The following CIC variants were observed in gnomAD, a reference collection of about 807,000 sequenced individuals.
CIC encodes the protein protein capicua homolog.
In CIC, 18 loss-of-function variants were observed where a neutral mutation model predicts 115.7. That is an observed-to-expected ratio of 0.16 (90% confidence interval 0.11 to 0.23). The LOEUF is 0.23. Ranked by LOEUF, CIC falls within the 10% of genes least tolerant of loss-of-function variation. The probability of loss-of-function intolerance (pLI) is 1.00; values close to 1 mark genes in which losing one functional copy is unlikely to be tolerated. For missense variants in CIC, 2,000 were observed against 2,159.3 expected, an observed-to-expected ratio of 0.93 and a Z score of 1.46; for synonymous variants, 1,076 against 923.0, an observed-to-expected ratio of 1.17 and a Z score of -3.01.
intron 2 of CIC, among the ~76,000 whole-genome samples, chr19:42,279,745 T>G (rs969918912): frequency 2.0e-5 from 3 of 152,204 alleles, no homozygotes; most frequent in African/African-American, 4.8e-5. Context: ...GGGAAAATGT[T>G]GGATCTAGGT....
chr19:42,276,077 G>T (rs28699037), intron 2 of CIC, among the ~76,000 whole-genome samples: 2,328 of 152,360 alleles, frequency 0.015, 60 homozygotes, highest in African/African-American at 0.052. Context: ...AGAAGGGCCA[G>T]ATGCCTATGA....
chr19:42,289,553 G>A (rs2037919576), intron 9 of CIC, 147 bp downstream of exon 9: 10 of 973,144 alleles, frequency 1.0e-5, no homozygotes, highest in Admixed American at 4.1e-5. Context: ...AGGCCCTGCC[G>A]AGTAAATCCA....
At position 42,290,318 on chromosome 19, in the gene CIC, C is replaced by T. The variant is rs1227518171; in HGVS notation, c.4277C>T (p.Pro1426Leu). ...CCACTGGACCCTGAGCCCCCAGGGC[C>T]CCCGGATCCTCCTGTAGCCTTTGGC... ...RPPLDPEPPGPPDPPVAFGKG... is the reference protein window; with the variant it reads ...RPPLDPEPPGLPDPPVAFGKG... The change falls in exon 11 of 21, where the codon CCC (proline) becomes CTC (leucine). Residue 1426 changes from proline to leucine, a missense_variant. Pro to Leu is a moderately conservative substitution (Grantham distance 98, BLOSUM62 -3). Around this residue, in one of 8 missense-constraint regions of CIC, gnomAD observed 1,466 missense variants for 1,390.4 expected, o/e 1.05. Coordinates refer to ENST00000681038, the MANE Select transcript of CIC (RefSeq NM_001386298.1). The T allele has an allele frequency of 3.1e-6, 5 of 1,614,092 alleles. No individual in the cohort carries two copies. Among genetic ancestry groups the T allele is most frequent in the African/African-American group, 1.3e-5 (1 of 75,010 alleles).
chr19:42,294,022 G>T lies in CIC; in HGVS notation c.6855G>T (p.Leu2285=). The T allele has an allele frequency of 6.2e-7, 1 of 1,613,554 alleles. No homozygotes were observed. The highest frequency in any genetic ancestry group is 1.7e-5 in the Admixed American group (1 of 60,018). ...AGGAGGTGCTGCCCTCCCCCACCCT[G>T]CAGTCTCTGGCCACCTCACCCCGGG... ...RPEEVLPSPT[L]QSLATSPRAI... is the part of the protein sequence containing the mutation. The change falls in exon 18 of 21, where the codon CTG becomes CTT. Residue 2285 remains leucine (L), a synonymous_variant. Transcript: ENST00000681038.
rs1180960611 is a variant in CIC, at chr19:42,280,975, C to A, written c.2795-5796C>A. On this transcript the variant is annotated intron_variant, in intron 2 of 20. Coordinates refer to ENST00000681038, the MANE Select transcript of CIC (RefSeq NM_001386298.1). The surrounding 1 kb of genome is among the most constrained non-coding windows in gnomAD (Gnocchi z 4.9). ...CTGGGGACCATCCCCCACACACTCT[C>A]CCCAGTCTCTCTTTTCCTCCTGGTC... Among the ~76,000 whole-genome samples the A allele has an allele frequency of 6.6e-6, 1 of 150,592 alleles. No homozygotes were observed. Among genetic ancestry groups the A allele is most frequent in the African/African-American group, 2.4e-5 (1 of 41,110 alleles).
Position 42,290,789 on chromosome 19 carries a change from A to G in CIC, c.4748A>G (p.Asn1583Ser), listed in dbSNP as rs773111863. The G allele has an allele frequency of 4.7e-5, 76 of 1,610,888 alleles. No individual in the cohort carries two copies. The highest frequency in any genetic ancestry group is 1.9e-4 in the African/African-American group (14 of 74,820). Reference protein sequence around the residue: ...LSRPAATMVTNVVRPVSSTPV... With the variant: ...LSRPAATMVTSVVRPVSSTPV... ...CGTCCTGCCGCCACCATGGTCACCA[A>G]TGTGGTGCGGCCTGTCAGCAGCACT... Residue 1583 changes from asparagine to serine, a missense_variant, in exon 11 of 21, where the codon AAT becomes AGT. Asn to Ser is a conservative substitution (Grantham distance 46). Around this residue, in one of 8 missense-constraint regions of CIC, gnomAD observed 1,466 missense variants for 1,390.4 expected, o/e 1.05. Coordinates refer to ENST00000681038, the MANE Select transcript of CIC (RefSeq NM_001386298.1).
chr19:42,291,130 G>C lies in CIC; in HGVS notation c.5089G>C (p.Gly1697Arg), dbSNP rs770192319. The C allele has an allele frequency of 3.1e-6, 5 of 1,608,792 alleles. No individual in the cohort carries two copies. The highest frequency in any genetic ancestry group is 4.3e-6 in the Non-Finnish European group (5 of 1,176,468). Reference protein sequence around the residue: ...VQFIAQGAPGGGTTAGSGAGA... With the variant: ...VQFIAQGAPGRGTTAGSGAGA... Reference sequence around the variant, plus strand: ...GTTCATTGCCCAGGGGGCCCCTGGTGGTGGGACCACTGCGGGCTCAGGAGC... The same window carrying C: ...GTTCATTGCCCAGGGGGCCCCTGGTCGTGGGACCACTGCGGGCTCAGGAGC... Residue 1697 changes from glycine (G) to arginine (R), a missense_variant, in exon 11 of 21, where the codon GGT becomes CGT. By Grantham distance (125) the Gly-to-Arg change is moderately radical. Around this residue, in one of 8 missense-constraint regions of CIC, gnomAD observed 1,466 missense variants for 1,390.4 expected, o/e 1.05. Coordinates refer to ENST00000681038, the MANE Select transcript of CIC (RefSeq NM_001386298.1).
At chr19:42,282,075 C>G (rs991400693) in intron 2 of CIC, among the ~76,000 whole-genome samples, 49 of 152,186 alleles carry the variant, frequency 3.2e-4, no homozygotes, top group African/African-American at 1.1e-3. Flanking sequence ...AGCCTCAATT[C>G]GTGCCTCACA....
intron 2 of CIC, among the ~76,000 whole-genome samples, chr19:42,282,079 C>T (rs190928947): frequency 4.6e-5 from 7 of 152,270 alleles, no homozygotes; most frequent in Admixed American, 2.0e-4. Flanking sequence ...TCAATTCGTG[C>T]CTCACATTGC....
chr19:42,282,805 AATAC>A (rs2037320666), intron 2 of CIC, among the ~76,000 whole-genome samples: 1 of 151,918 alleles, frequency 6.6e-6, no homozygotes, highest in African/African-American at 2.4e-5. Flanking sequence ...TGAACCAGAT[AATAC>A]ATACAAGCTC....
At chr19:42,289,457 T>C (rs2147236747) in intron 9 of CIC, 51 bp downstream of exon 9, 2 of 1,538,674 alleles carry the variant, frequency 1.3e-6, no homozygotes, top group Non-Finnish European at 1.8e-6. Flanking sequence ...AGGCCAAGGC[T>C]CAGAGGGTGG....
In CIC at chr19:42,281,241, C is replaced by G. The variant is rs116322871; in HGVS notation, c.2795-5530C>G. Among the ~76,000 whole-genome samples the G allele has an allele frequency of 6.1e-3, 933 of 152,248 alleles. 12 individuals carry two copies. The highest frequency in any genetic ancestry group is 0.021 in the African/African-American group (888 of 41,548). ...GCCTGGAGAGCAGGGTGGGGAGCCG[C>G]AGGCGGCCGGCAGGGGTGCGGTGCC... On this transcript the variant is annotated intron_variant, in intron 2 of 20. Transcript: ENST00000681038.
intron 2 of CIC, among the ~76,000 whole-genome samples, chr19:42,279,007 C>G (rs530527166): frequency 3.9e-5 from 6 of 152,206 alleles, no homozygotes; most frequent in Non-Finnish European, 8.8e-5. Context: ...AGGGCATGAC[C>G]CAGGTCATCC....
upstream of CIC, among the ~76,000 whole-genome samples, chr19:42,268,856 A>G (rs186665715): frequency 3.4e-4 from 52 of 152,310 alleles, no homozygotes; most frequent in African/African-American, 1.3e-3. Context: ...CCCGTCCCTT[A>G]GCCCCTCCTC....
chr19:42,271,141 CT>C (rs1297958575), intron 1 of CIC, among the ~76,000 whole-genome samples: 4 of 152,122 alleles, frequency 2.6e-5, no homozygotes, highest in African/African-American at 9.7e-5. Context: ...TGACTTGGTA[CT>C]TGTGCATGTG....
chr19:42,272,369 A>G lies in CIC; in HGVS notation c.586A>G (p.Ser196Gly). 1 of 398,484 alleles carries G rather than the reference A, an allele frequency of 2.5e-6. No homozygotes were observed. Among genetic ancestry groups the G allele is most frequent in the Non-Finnish European group, 4.4e-6 (1 of 225,962 alleles). The allele number at this position is 398,484 out of a possible 1,614,324, so 24.7% of individuals were successfully genotyped here. The change falls in exon 2 of 21, where the codon AGC (serine) becomes GGC (glycine). Residue 196 changes from serine to glycine, a missense_variant. By Grantham distance (56) the Ser-to-Gly change is moderately conservative. Coordinates refer to ENST00000681038, the MANE Select transcript of CIC (RefSeq NM_001386298.1). ...GPWPPGSTSGSYDLRQLRSQR... is the reference protein window; with the variant it reads ...GPWPPGSTSGGYDLRQLRSQR... ...TTGGCCCCCTGGCAGCACCAGTGGC[A>G]GCTATGACCTGCGGCAGCTGCGGTC...
rs1049694628 is a variant in CIC at position 42,270,751 on chromosome 19, G to T, written c.-10-1023G>T. Among the ~76,000 whole-genome samples, 2 of 151,996 alleles carry T rather than the reference G, an allele frequency of 1.3e-5. No individual in the cohort carries two copies. Among genetic ancestry groups the T allele is most frequent in the Admixed American group, 1.3e-4 (2 of 15,270 alleles). On this transcript the variant is annotated intron_variant, in intron 1 of 20. Coordinates refer to ENST00000681038, the MANE Select transcript of CIC (RefSeq NM_001386298.1). The surrounding 1 kb of genome is among the most constrained non-coding windows in gnomAD (Gnocchi z 4.1). ...GCGGGTATCACGCTGGGTGCTGTGG[G>T]GGGAGGAGCAGGCTCCCATCCAGTG...
In CIC at chr19:42,291,115, C is replaced by T; in HGVS notation, c.5074C>T (p.Gln1692Ter). ...GCCCCCTGCTGTCCAGTTCATTGCC[C>T]AGGGGGCCCCTGGTGGTGGGACCAC... ...PAPPAVQFIA[Q>*]GAPGGGTTAG... Residue 1692 changes from glutamine (Q) to a stop codon, truncating the protein, a stop_gained, in exon 11 of 21, where the codon CAG becomes TAG. Transcript: ENST00000681038. LOFTEE classifies it high-confidence loss of function. 6.2e-7 allele frequency: 1 copy of T among 1,610,140 alleles called. No homozygotes were observed. The highest frequency in any genetic ancestry group is 8.5e-7 in the Non-Finnish European group (1 of 1,177,256).
At chr19:42,284,537 C>A (rs1199348960) in intron 2 of CIC, 1 of 196,390 alleles carries the variant, frequency 5.1e-6, no homozygotes, top group Non-Finnish European at 9.9e-6. Context: ...CCGGCAGAGA[C>A]CCCCGCGTGG....
Sources: allele counts gnomAD v4.1 joint callset (sites outside exome capture counted in the v4.1 genomes callset), GRCh38; gene constraint gnomAD v4.1.1; regional missense constraint gnomAD v4.1.1; non-coding constraint Gnocchi (gnomAD v3.1); transcripts MANE v1.5; gene names NCBI Gene and HGNC (gene_info 2026-07-23, HGNC 2026-07-21).